Variants in DAB2IP observed in about 807,000 individuals in gnomAD.
DAB2IP encodes DAB2 interacting protein.
Under a neutral mutation model 107.2 loss-of-function variants are expected in DAB2IP, and 28 were observed. The ratio of observed to expected loss-of-function variants is 0.26; its 90% CI spans 0.19 to 0.36. The LOEUF (loss-of-function observed/expected upper bound fraction) is 0.36, where lower values mean the gene tolerates loss of function less well. Among genes scored for constraint, DAB2IP ranks in the 10% least tolerant of loss-of-function variants. The pLI is 1.00. For missense variants in DAB2IP, 1,400 were observed against 1,644.7 expected (o/e 0.85, Z 2.57); for synonymous variants, 755 against 706.4 (o/e 1.07, Z -1.09).
chr9:121,606,431 G>T (rs1830873932), intron 1 of DAB2IP, among the ~76,000 whole-genome samples: 1 of 152,136 alleles, frequency 6.6e-6, no homozygotes, highest in South Asian at 2.1e-4. Flanking sequence ...TGGTGTGCAA[G>T]GTGCTTTCTG....
intron 1 of DAB2IP, among the ~76,000 whole-genome samples, chr9:121,632,163 T>C (rs1011058050): frequency 3.3e-5 from 5 of 152,218 alleles, no homozygotes; most frequent in Non-Finnish European, 5.9e-5. Context: ...GGTTACTAGC[T>C]GCGTGGCCTC....
rs766752543 is a variant in DAB2IP at position 121,609,068 on chromosome 9, G to A, written c.40+41840G>A. 9.9e-5 allele frequency among the ~76,000 whole-genome samples: 15 copies of A among 152,142 alleles called. No individual in the cohort carries two copies. The South Asian group carries it at 1.5e-3, about 15-fold the overall frequency. ...GCGATTCTCCTGCCTCAGCCTCCCT[G>A]GTAGCTGGGACTACAGGTGTGTGCC... On this transcript the variant is annotated intron_variant, in intron 1 of 16. Transcript: ENST00000259371.
rs1306606700 is a variant in DAB2IP at position 121,684,266 on chromosome 9, G to C, written c.228+5485G>C. 6.6e-6 allele frequency among the ~76,000 whole-genome samples: 1 copy of C among 152,150 alleles called. No homozygotes were observed. The highest frequency in any genetic ancestry group is 2.4e-5 in the African/African-American group (1 of 41,430). Reference sequence around the variant, plus strand: ...CCCTTCCCTATACAGAGGAGGGACTGAGAATCATAGACGGGAGGGTCCTTT... The same window carrying C: ...CCCTTCCCTATACAGAGGAGGGACTCAGAATCATAGACGGGAGGGTCCTTT... On this transcript the variant is annotated intron_variant, in intron 2 of 15. Transcript: ENST00000408936. This position sits in a 1 kb window ranked among gnomAD's most constrained non-coding sequence, Gnocchi z 4.0.
At chr9:121,783,619 T>C (rs1835811940) in exon 16 of DAB2IP, 1 of 1,573,662 alleles carries the variant, frequency 6.4e-7, no homozygotes, top group Non-Finnish European at 8.7e-7. Context: ...GCATGGGAAA[T>C]AGCGGCCCTG....
chr9:121,630,069 A>G (rs1052099412), intron 1 of DAB2IP, among the ~76,000 whole-genome samples: 5 of 152,236 alleles, frequency 3.3e-5, no homozygotes, highest in Admixed American at 1.3e-4. Flanking sequence ...TAGCCATTCT[A>G]TGATGTTGCA....
At chr9:121,768,305 C>T in intron 9 of DAB2IP, 127 bp from the exon 10 acceptor site, 1 of 995,966 alleles carries the variant, frequency 1.0e-6, no homozygotes, top group South Asian at 1.4e-5. Flanking sequence ...ATTCAGCTGA[C>T]TTGGGGAGTG....
intron 14 of DAB2IP, 23 bp from the exon 15 acceptor site, chr9:121,781,441 A>ACTGTCT (rs1588024370): frequency 6.2e-7 from 1 of 1,613,096 alleles, no homozygotes; most frequent in South Asian, 1.1e-5. Context: ...GGCCAGTCTG[A>ACTGTCT]CTGTCTCTGT....
chr9:121,567,554 G>A (rs961112863), intron 1 of DAB2IP, among the ~76,000 whole-genome samples: 6 of 152,196 alleles, frequency 3.9e-5, no homozygotes, highest in Non-Finnish European at 7.3e-5. Context: ...TGCCTACCTC[G>A]CTGTTCGCCA....
At chr9:121,594,400 C>T (rs143554401) in intron 1 of DAB2IP, among the ~76,000 whole-genome samples, 1 of 151,776 alleles carries the variant, frequency 6.6e-6, no homozygotes, top group Non-Finnish European at 1.5e-5. Context: ...ACCATGCCCA[C>T]CTAATTTTTG....
At chr9:121,762,854 C>A (rs1833992684) in intron 6 of DAB2IP, among the ~76,000 whole-genome samples, 1 of 152,184 alleles carries the variant, frequency 6.6e-6, no homozygotes. Flanking sequence ...CTGGGGTTTT[C>A]CCACAACACT....
intron 1 of DAB2IP, among the ~76,000 whole-genome samples, chr9:121,665,988 A>T (rs1833403680): frequency 6.6e-6 from 1 of 152,254 alleles, no homozygotes; most frequent in East Asian, 1.9e-4. Flanking sequence ...TGTAACTCAA[A>T]GCAACAGAAA....
chr9:121,764,868 G>A (rs1179949684), intron 8 of DAB2IP, among the ~76,000 whole-genome samples: 1 of 152,216 alleles, frequency 6.6e-6, no homozygotes, highest in Non-Finnish European at 1.5e-5. Flanking sequence ...TCAGGATAGG[G>A]TTGTGCCTGT....
At chr9:121,690,637 G>A (rs1445596163) in intron 2 of DAB2IP, among the ~76,000 whole-genome samples, 1 of 152,186 alleles carries the variant, frequency 6.6e-6, no homozygotes, top group Admixed American at 6.5e-5. Flanking sequence ...GCTGATGCCC[G>A]CCTAATCCTG....
At chr9:121,587,652 C>T (rs985656701) in intron 1 of DAB2IP, among the ~76,000 whole-genome samples, 9 of 150,876 alleles carry the variant, frequency 6.0e-5, no homozygotes, top group Non-Finnish European at 1.0e-4. Flanking sequence ...AGAGGGTAGC[C>T]GAAGGTCAAG....
At chr9:121,781,370 C>T in intron 14 of DAB2IP, 94 bp from the exon 15 acceptor site, 1 of 1,233,270 alleles carries the variant, frequency 8.1e-7, no homozygotes. Context: ...CTAGTGTGTC[C>T]CTGCTGTGTG....
chr9:121,767,482 C>T (rs1445055708), intron 9 of DAB2IP, among the ~76,000 whole-genome samples: 1 of 152,224 alleles, frequency 6.6e-6, no homozygotes, highest in African/African-American at 2.4e-5. Context: ...GATCCCCCAA[C>T]TGCATGTCAG....
intron 2 of DAB2IP, among the ~76,000 whole-genome samples, chr9:121,691,216 C>G (rs1306447543): frequency 6.6e-6 from 1 of 152,226 alleles, no homozygotes; most frequent in Non-Finnish European, 1.5e-5. Context: ...ATGGCCCCTG[C>G]TCTGGAGGCT....
chr9:121,583,080 A>G (rs1479479832), intron 1 of DAB2IP, among the ~76,000 whole-genome samples: 2 of 152,204 alleles, frequency 1.3e-5, no homozygotes, highest in Non-Finnish European at 2.9e-5. Flanking sequence ...ACAAAACAAA[A>G]CATAATTTTA....
intron 3 of DAB2IP, among the ~76,000 whole-genome samples, chr9:121,730,145 A>G (rs1361280804): frequency 1.3e-5 from 2 of 152,222 alleles, no homozygotes; most frequent in Admixed American, 1.3e-4. Context: ...CTGGCCGCCA[A>G]GGAAAGAAAG....
Sources: allele counts gnomAD v4.1 joint callset (sites outside exome capture counted in the v4.1 genomes callset), GRCh38; gene constraint gnomAD v4.1.1; non-coding constraint Gnocchi (gnomAD v3.1); transcripts MANE v1.5; gene names NCBI Gene and HGNC (gene_info 2026-07-23, HGNC 2026-07-21).